MYRIP: variants seen among roughly 807,000 people sequenced by gnomAD.
MYRIP encodes the protein rab effector MyRIP.
In MYRIP, 49 loss-of-function variants were observed where a neutral mutation model predicts 98.0. The ratio of observed to expected loss-of-function variants is 0.50; its 90% CI spans 0.40 to 0.63. The LOEUF is 0.63. MYRIP is among the 30% of genes least tolerant of loss of function. The probability of loss-of-function intolerance (pLI) is 0.00; values close to 1 mark genes in which losing one functional copy is unlikely to be tolerated. For synonymous variants in MYRIP, 404 were observed against 409.5 expected, an observed-to-expected ratio of 0.99 and a Z score of 0.16; for missense variants, 1,004 against 1,058.2, an observed-to-expected ratio of 0.95 and a Z score of 0.71.
intron 11 of MYRIP, among the ~76,000 whole-genome samples, chr3:40,231,911 G>A (rs1479147855): frequency 6.6e-6 from 1 of 152,158 alleles, no homozygotes; most frequent in African/African-American, 2.4e-5. Context: ...TGCATACAAT[G>A]TTGCCCTTTC....
intron 2 of MYRIP, among the ~76,000 whole-genome samples, chr3:39,919,695 T>G (rs749720823): frequency 0.045 from 3,121 of 69,328 alleles, 38 homozygotes; most frequent in Non-Finnish European, 0.069. Flanking sequence ...GTATGTGTGG[T>G]GTGTGTGTGT....
intron 3 of MYRIP, among the ~76,000 whole-genome samples, chr3:40,053,258 C>T (rs1468512563): frequency 5.9e-5 from 9 of 152,176 alleles, no homozygotes; most frequent in South Asian, 2.1e-4. Flanking sequence ...CTGAAGGGGA[C>T]ATGTATTTTG....
chr3:40,229,077 A>G (rs1298058776), intron 11 of MYRIP, among the ~76,000 whole-genome samples: 1 of 152,212 alleles, frequency 6.6e-6, no homozygotes, highest in East Asian at 1.9e-4. Flanking sequence ...TCTCAGGAGA[A>G]TTTACAAAGA....
intron 1 of MYRIP, among the ~76,000 whole-genome samples, chr3:39,810,183 G>A (rs114950005): frequency 0.013 from 1,939 of 152,318 alleles, 48 homozygotes; most frequent in African/African-American, 0.043. Flanking sequence ...GTGGGAGCTC[G>A]CCTCTGCGTT....
At position 40,204,053 on chromosome 3, in the gene MYRIP, T is replaced by TA. The variant is rs796599730; in HGVS notation, c.1666-5801_1666-5800insA. On this transcript the variant is annotated intron_variant, in intron 10 of 16. Transcript: ENST00000302541. ...TATATTATATATTATATATAATATA[T>TA]TTATATATAATAAATATTATATAAT... Among the ~76,000 whole-genome samples, 14 of 4,770 alleles carry TA rather than the reference T, an allele frequency of 2.9e-3. 1 individual carries two copies. The highest frequency in any genetic ancestry group is 0.025 in the South Asian group (3 of 120). 3.1% of individuals were successfully genotyped at this position (4,770 alleles called of 152,430 possible). A position where few individuals can be genotyped will look rare whatever the true frequency, so the allele number is the denominator to read the frequency against.
chr3:39,876,898 G>A (rs1378696395), intron 1 of MYRIP, among the ~76,000 whole-genome samples: 1 of 152,150 alleles, frequency 6.6e-6, no homozygotes, highest in Non-Finnish European at 1.5e-5. Context: ...TGCCTTGCTA[G>A]ATTGGGGAAG....
At chr3:40,142,137 C>A (rs933819664) in intron 3 of MYRIP, among the ~76,000 whole-genome samples, 1 of 146,688 alleles carries the variant, frequency 6.8e-6, no homozygotes. Flanking sequence ...ATTGCAACCT[C>A]TGCCTCCCAG....
At chr3:39,918,956 G>T (rs1174896460) in intron 2 of MYRIP, among the ~76,000 whole-genome samples, 2 of 152,126 alleles carry the variant, frequency 1.3e-5, no homozygotes, top group African/African-American at 4.8e-5. Context: ...CTTAGACTTG[G>T]ACAAGGGAGG....
At chr3:39,933,726 G>A (rs1559527509) in intron 2 of MYRIP, among the ~76,000 whole-genome samples, 1 of 152,188 alleles carries the variant, frequency 6.6e-6, no homozygotes, top group Non-Finnish European at 1.5e-5. Context: ...TTTAAGATTA[G>A]GGAAAGGGAT....
intron 1 of MYRIP, among the ~76,000 whole-genome samples, chr3:39,847,141 A>C (rs1465234628): frequency 1.3e-5 from 2 of 152,206 alleles, no homozygotes. Context: ...AACCATATGC[A>C]TCTCTTTAAC....
intron 2 of MYRIP, among the ~76,000 whole-genome samples, chr3:40,006,988 AGTTATGACTACAGGT>A (rs1946649370): frequency 6.6e-6 from 1 of 152,176 alleles, no homozygotes; most frequent in African/African-American, 2.4e-5. Flanking sequence ...CCTCCAGAGC[AGTTATGACTACAGGT>A]GTTCACTACC....
chr3:40,002,500 A>C (rs956701969), intron 2 of MYRIP, among the ~76,000 whole-genome samples: 2 of 151,794 alleles, frequency 1.3e-5, no homozygotes, highest in East Asian at 3.9e-4. Flanking sequence ...GCACCATTGC[A>C]CTCCAGCCTG....
chr3:39,841,383 T>G lies in MYRIP; in HGVS notation c.-31+31467T>G, dbSNP rs138882465. On this transcript the variant is annotated intron_variant, in intron 1 of 16. Transcript: ENST00000302541. ...TATCAATCAAGGTTCTTAGCTTCCT[T>G]GCATTGGGTTAGAACATGCTCCTTT... 9.6e-3 allele frequency among the ~76,000 whole-genome samples: 1,457 copies of G among 152,238 alleles called. 22 individuals are homozygous for G. The highest frequency in any genetic ancestry group is 0.032 in the African/African-American group (1,349 of 41,528).
At chr3:40,255,226 A>AAAAT (rs1367350336) in intron 16 of MYRIP, among the ~76,000 whole-genome samples, 3 of 152,214 alleles carry the variant, frequency 2.0e-5, no homozygotes, top group South Asian at 4.1e-4. Flanking sequence ...AAGAAAGTTA[A>AAAAT]AAATAAATTG....
chr3:39,832,102 C>G (rs1668742445), intron 1 of MYRIP, among the ~76,000 whole-genome samples: 1 of 152,216 alleles, frequency 6.6e-6, no homozygotes, highest in Non-Finnish European at 1.5e-5. Flanking sequence ...TCTTCTTCCT[C>G]TCACCCTGTG....
intron 12 of MYRIP, among the ~76,000 whole-genome samples, 166 bp downstream of exon 12, chr3:40,234,219 A>G (rs1161510554): frequency 6.6e-6 from 1 of 152,198 alleles, no homozygotes; most frequent in East Asian, 1.9e-4. Context: ...GATTCCCCAG[A>G]AGCAGACCCT....
At chr3:40,252,820 C>CTGTT (rs1256070926) in intron 16 of MYRIP, among the ~76,000 whole-genome samples, 1 of 152,154 alleles carries the variant, frequency 6.6e-6, no homozygotes, top group African/African-American at 2.4e-5. Context: ...GTAAGTTTAA[C>CTGTT]TGTTAGTCTA....
At chr3:40,232,029 C>A (rs1460872467) in intron 11 of MYRIP, among the ~76,000 whole-genome samples, 8 of 152,178 alleles carry the variant, frequency 5.3e-5, no homozygotes, top group Non-Finnish European at 1.0e-4. Context: ...AAGTGGGGGA[C>A]ATCCTCTGCA....
At chr3:39,831,067 C>A (rs1023688798) in intron 1 of MYRIP, among the ~76,000 whole-genome samples, 2 of 152,154 alleles carry the variant, frequency 1.3e-5, no homozygotes, top group African/African-American at 4.8e-5. Flanking sequence ...CTACTTGATG[C>A]ACTTTCTTCA....
Sources: gnomAD v4.1 joint callset for allele counts (sites outside exome capture counted in the v4.1 genomes callset) on GRCh38, gnomAD v4.1.1 for gene constraint, MANE v1.5 for transcripts, NCBI Gene and HGNC (gene_info 2026-07-23, HGNC 2026-07-21) for gene names.